Variants in PLCB4 observed in about 807,000 individuals in gnomAD.
The protein encoded by PLCB4 is phospholipase C beta 4.
PLCB4 carries 77 observed loss-of-function variants against 178.8 expected under a neutral mutation model. The observed-to-expected ratio is 0.43, with a 90% confidence interval of 0.36 to 0.52. The LOEUF (loss-of-function observed/expected upper bound fraction) is 0.52, where lower values mean the gene tolerates loss of function less well. PLCB4 is among the 20% of genes least tolerant of loss of function. The probability of loss-of-function intolerance (pLI) is 0.00; values close to 1 mark genes in which losing one functional copy is unlikely to be tolerated. For synonymous variants in PLCB4, 496 were observed against 490.8 expected (o/e 1.01, Z -0.14); for missense variants, 1,024 against 1,453.4 (o/e 0.70, Z 4.80).
intron 2 of PLCB4, among the ~76,000 whole-genome samples, chr20:9,179,395 A>G (rs1424553484): frequency 1.3e-5 from 2 of 152,072 alleles, no homozygotes; most frequent in Non-Finnish European, 2.9e-5. Flanking sequence ...TACTTCAAGG[A>G]ATGTGGGTGG....
In PLCB4 at chr20:9,480,545, T is replaced by G. The variant is rs2044808949; in HGVS notation, c.*1536T>G. 6.6e-6 allele frequency: 1 copy of G among 152,326 alleles called. No homozygotes were observed. The highest frequency in any genetic ancestry group is 1.5e-5 in the Non-Finnish European group (1 of 68,034). 9.4% of individuals were successfully genotyped at this position (152,326 alleles called of 1,614,324 possible). A position where few individuals can be genotyped will look rare whatever the true frequency, so the allele number is the denominator to read the frequency against. The stretch of plus-strand genomic sequence containing the variant: ...TGTTTTGCCTTTTTCATATACATGA[T>G]ATCATCGTTATTTTCAAAGGGGGCT... On this transcript the variant is annotated 3_prime_UTR_variant, in exon 40 of 40. Coordinates refer to ENST00000378473, the MANE Select transcript of PLCB4 (RefSeq NM_001377142.1).
intron 28 of PLCB4, among the ~76,000 whole-genome samples, chr20:9,431,588 C>T (rs927872283): frequency 6.6e-6 from 1 of 152,092 alleles, no homozygotes; most frequent in Non-Finnish European, 1.5e-5. Context: ...GCCTCAGCCT[C>T]CCGAGTAGCT....
chr20:9,368,312 C>G (rs2035951699), intron 9 of PLCB4, among the ~76,000 whole-genome samples: 1 of 152,204 alleles, frequency 6.6e-6, no homozygotes. Flanking sequence ...ATAACCCATG[C>G]AGTCTGCCTT....
chr20:9,476,440 G>A (rs2044547382), intron 38 of PLCB4, among the ~76,000 whole-genome samples: 1 of 152,092 alleles, frequency 6.6e-6, no homozygotes, highest in Admixed American at 6.5e-5. Flanking sequence ...GAGGTAAAAG[G>A]TTTTGCTTAA....
chr20:9,073,976 A>G (rs937840927), intron 1 of PLCB4, among the ~76,000 whole-genome samples: 1 of 152,152 alleles, frequency 6.6e-6, no homozygotes, highest in Non-Finnish European at 1.5e-5. Flanking sequence ...ACACAAGGCG[A>G]AGACCATGTG....
intron 4 of PLCB4, among the ~76,000 whole-genome samples, chr20:9,330,089 C>T (rs1183203201): frequency 6.6e-6 from 1 of 152,096 alleles, no homozygotes; most frequent in Non-Finnish European, 1.5e-5. Flanking sequence ...TAAAGCATTT[C>T]CCTGGAATAA....
intron 25 of PLCB4, among the ~76,000 whole-genome samples, chr20:9,415,891 C>G (rs1475383738): frequency 6.6e-6 from 1 of 152,100 alleles, no homozygotes; most frequent in Non-Finnish European, 1.5e-5. Context: ...CCTATCAATG[C>G]CCCAGCCCCC....
chr20:9,342,161 A>G (rs183680937), intron 7 of PLCB4, among the ~76,000 whole-genome samples: 2 of 152,290 alleles, frequency 1.3e-5, no homozygotes, highest in African/African-American at 4.8e-5. Flanking sequence ...CATTTTCTCC[A>G]TCACCACCGT....
chr20:9,248,160 A>G (rs1288511060), intron 3 of PLCB4, among the ~76,000 whole-genome samples: 2 of 152,010 alleles, frequency 1.3e-5, no homozygotes, highest in Admixed American at 1.3e-4. Context: ...TATACCCATT[A>G]CTATATCTGT....
In PLCB4 at chr20:9,469,524, TG is replaced by T. The variant is rs1011051718; in HGVS notation, c.3350+853del. Among the ~76,000 whole-genome samples the T allele has an allele frequency of 5.3e-5, 8 of 152,308 alleles. 1 individual carries two copies. Among genetic ancestry groups the T allele is most frequent in the African/African-American group, 1.7e-4 (7 of 41,570 alleles). On this transcript the variant is annotated intron_variant, in intron 36 of 39. Coordinates refer to ENST00000378473, the MANE Select transcript of PLCB4 (RefSeq NM_001377142.1). ...AAGCAGATCAAGGCAGGAATTGATGTGCTTGTGATTCACTGAGGAAGGGACC... is the reference window on the plus strand; with the variant it reads ...AAGCAGATCAAGGCAGGAATTGATGTCTTGTGATTCACTGAGGAAGGGACC...
At chr20:9,367,997 A>T (rs893694000) in intron 9 of PLCB4, among the ~76,000 whole-genome samples, 1 of 152,234 alleles carries the variant, frequency 6.6e-6, no homozygotes, top group South Asian at 2.1e-4. Context: ...AAAAAAAATC[A>T]GATAACTCTA....
intron 3 of PLCB4, 136 bp downstream of exon 3, chr20:9,217,588 T>A (rs1425079457): frequency 6.6e-6 from 1 of 152,230 alleles, no homozygotes; most frequent in Non-Finnish European, 1.5e-5. Flanking sequence ...GACATCTTCC[T>A]TGATGCGGCA....
Position 9,370,877 on chromosome 20 carries a change from C to G in PLCB4, c.504-337C>G, listed in dbSNP as rs923174287. ...TGAGCTGAGATAGCGCCACTGCACT[C>G]CAGCCTAGGTGACAGAGTGAGACTC... is the stretch of plus-strand genomic sequence containing the variant. On this transcript the variant is annotated intron_variant, in intron 9 of 39. Coordinates refer to ENST00000378473, the MANE Select transcript of PLCB4 (RefSeq NM_001377142.1). 1.7e-5 allele frequency: 3 copies of G among 171,828 alleles called. No individual in the cohort carries two copies. In the Admixed American group the frequency reaches 1.8e-4, roughly 10 times the overall value. The allele number at this position is 171,828 out of a possible 1,614,324, so 10.6% of individuals were successfully genotyped here. A position where few individuals can be genotyped will look rare whatever the true frequency, so the allele number is the denominator to read the frequency against.
intron 33 of PLCB4, among the ~76,000 whole-genome samples, chr20:9,455,942 C>T (rs116625368): frequency 0.019 from 2,966 of 152,240 alleles, 96 homozygotes; most frequent in African/African-American, 0.066. Flanking sequence ...TTCAAGCAAT[C>T]GTCCTGCCTC....
At chr20:9,175,879 C>T (rs527783371) in intron 2 of PLCB4, among the ~76,000 whole-genome samples, 50 of 152,226 alleles carry the variant, frequency 3.3e-4, no homozygotes, top group African/African-American at 1.2e-3. Flanking sequence ...ATAATTTACA[C>T]GGAATGATAT....
intron 3 of PLCB4, among the ~76,000 whole-genome samples, chr20:9,284,664 TG>T (rs1274031626): frequency 6.6e-6 from 1 of 151,946 alleles, no homozygotes; most frequent in Non-Finnish European, 1.5e-5. Flanking sequence ...ATTGGCTCTG[TG>T]TTTGCTAATC....
intron 2 of PLCB4, among the ~76,000 whole-genome samples, chr20:9,106,312 C>T (rs1170380589): frequency 6.6e-6 from 1 of 151,250 alleles, no homozygotes; most frequent in Non-Finnish European, 1.5e-5. Flanking sequence ...ATTACTTTTG[C>T]ACCAACCTAT....
intron 3 of PLCB4, among the ~76,000 whole-genome samples, chr20:9,224,770 T>G (rs778499732): frequency 6.6e-5 from 10 of 152,178 alleles, no homozygotes; most frequent in African/African-American, 2.2e-4. Flanking sequence ...GGGAAAAGCA[T>G]GGGGCCAACA....
chr20:9,181,254 A>C, intron 2 of PLCB4, among the ~76,000 whole-genome samples: 1 of 152,158 alleles, frequency 6.6e-6, no homozygotes, highest in East Asian at 1.9e-4. Flanking sequence ...CTGCAAACAG[A>C]CTTCAGATGT....
Sources: allele counts gnomAD v4.1 joint callset (sites outside exome capture counted in the v4.1 genomes callset), GRCh38; gene constraint gnomAD v4.1.1; transcripts MANE v1.5; gene names NCBI Gene and HGNC (gene_info 2026-07-23, HGNC 2026-07-21).